The following FGD5 variants were observed in gnomAD, a reference collection of about 807,000 sequenced individuals.
FGD5 encodes FYVE, RhoGEF and PH domain-containing protein 5.
A neutral mutation model predicts 133.4 loss-of-function variants in FGD5; 28 were observed. The ratio of observed to expected loss-of-function variants is 0.21; its 90% confidence interval spans 0.16 to 0.29. The LOEUF (loss-of-function observed/expected upper bound fraction) is 0.29. FGD5 is among the 10% of genes least tolerant of loss of function. The probability of loss-of-function intolerance (pLI) is 1.00; values close to 1 mark genes in which losing one functional copy is unlikely to be tolerated. For synonymous variants in FGD5, 810 were observed against 776.5 expected (o/e 1.04, Z -0.72); for missense variants, 1,858 against 1,895.2 (o/e 0.98, Z 0.36).
intron 13 of FGD5, among the ~76,000 whole-genome samples, chr3:14,920,009 G>T (rs1422964237): frequency 6.6e-6 from 1 of 152,136 alleles, no homozygotes; most frequent in Non-Finnish European, 1.5e-5. Context: ...AGAAAGGTCT[G>T]CATTTTCTCC....
At position 14,906,353 on chromosome 3, in the gene FGD5, C is replaced by T. The variant is rs536568868; in HGVS notation, c.3265-1287C>T. Among the ~76,000 whole-genome samples the T allele has an allele frequency of 3.3e-5, 5 of 152,340 alleles. No homozygotes were observed. The East Asian group carries it at 9.6e-4, about 29-fold the overall frequency. Reference sequence around the variant, plus strand: ...GGCCTTAGACAGGTTTCTGGCCATCCCCCAGCAAGGTATTGGTGCACAGTA... The same window carrying T: ...GGCCTTAGACAGGTTTCTGGCCATCTCCCAGCAAGGTATTGGTGCACAGTA... On this transcript the variant is annotated intron_variant, in intron 9 of 19. Coordinates refer to ENST00000285046, the MANE Select transcript of FGD5 (RefSeq NM_152536.4).
chr3:14,864,313 A>T, intron 2 of FGD5, 53 bp downstream of exon 2: 2 of 1,611,836 alleles, frequency 1.2e-6, no homozygotes, highest in Non-Finnish European at 1.7e-6. Context: ...GGGTGGAGAG[A>T]TGGCTGTAAC....
Position 14,917,228 on chromosome 3 carries a change from A to G in FGD5, c.3406-21A>G. The G allele has an allele frequency of 6.2e-7, 1 of 1,609,632 alleles. No homozygotes were observed. Among genetic ancestry groups the G allele is most frequent in the Non-Finnish European group, 8.5e-7 (1 of 1,177,806 alleles). Reference sequence around the variant, plus strand: ...AGCCTTCTGGGGCCAGGGTCCTCTCATAGGGTTTCCCTCTCTCCAGATGAA... The same window carrying G: ...AGCCTTCTGGGGCCAGGGTCCTCTCGTAGGGTTTCCCTCTCTCCAGATGAA... On this transcript the variant is annotated intron_variant, in intron 11 of 19. Coordinates refer to ENST00000285046, the MANE Select transcript of FGD5 (RefSeq NM_152536.4). The surrounding 1 kb of genome is among the most constrained non-coding windows in gnomAD (Gnocchi z 4.1).
intron 1 of FGD5, among the ~76,000 whole-genome samples, chr3:14,834,165 T>TA (rs1179933752): frequency 6.6e-6 from 1 of 152,108 alleles, no homozygotes; most frequent in African/African-American, 2.4e-5. Context: ...AATTGGGAGT[T>TA]ACGGATTGCA....
chr3:14,877,621 T>A (rs1043587245), intron 2 of FGD5, among the ~76,000 whole-genome samples: 4 of 152,108 alleles, frequency 2.6e-5, no homozygotes, highest in Non-Finnish European at 4.4e-5. Context: ...GATCCAGGCA[T>A]CTTGACTTCC....
At chr3:14,916,278 A>G (rs1298607105) in intron 11 of FGD5, among the ~76,000 whole-genome samples, 3 of 152,334 alleles carry the variant, frequency 2.0e-5, no homozygotes, top group East Asian at 1.9e-4. Flanking sequence ...ACGCTGGTCC[A>G]TAATATGGTC....
At chr3:14,826,688 T>C (rs2036605988) in intron 1 of FGD5, among the ~76,000 whole-genome samples, 1 of 152,236 alleles carries the variant, frequency 6.6e-6, no homozygotes, top group Non-Finnish European at 1.5e-5. Context: ...ATGCAGGATT[T>C]GAATTTGATT....
Position 14,923,163 on chromosome 3 carries a change from G to C in FGD5, c.3925G>C (p.Gly1309Arg). ...GAAGAAGCGGGGCAGGGCTGTCCCG[G>C]GCCTGATGAGAGGTAACCTGGGGAC... ...ELKKRGRAVPGLMRERPVSMS... is the reference protein window; with the variant it reads ...ELKKRGRAVPRLMRERPVSMS... Residue 1309 changes from glycine (G) to arginine (R), a missense_variant, in exon 16 of 20, where the codon GGC becomes CGC. By Grantham distance (125) the Gly-to-Arg change is moderately radical (BLOSUM62 -2). Around this residue, in one of 3 missense-constraint regions of FGD5, gnomAD observed 1,824 missense variants for 1,848.9 expected, o/e 0.99. Transcript: ENST00000285046. 1 of 1,613,156 alleles carries C rather than the reference G, an allele frequency of 6.2e-7. No individual in the cohort carries two copies. The highest frequency in any genetic ancestry group is 8.5e-7 in the Non-Finnish European group (1 of 1,179,702).
chr3:14,923,303 G>A, intron 16 of FGD5, 128 bp downstream of exon 16: 1 of 1,332,320 alleles, frequency 7.5e-7, no homozygotes, highest in Non-Finnish European at 1.0e-6. Flanking sequence ...TCACTCCATG[G>A]AGGGAGGAAA....
At chr3:14,877,235 T>C (rs1440434635) in intron 2 of FGD5, among the ~76,000 whole-genome samples, 1 of 152,214 alleles carries the variant, frequency 6.6e-6, no homozygotes, top group Non-Finnish European at 1.5e-5. Flanking sequence ...TCTGCGTGCC[T>C]CGGGCACACA....
intron 4 of FGD5, among the ~76,000 whole-genome samples, chr3:14,889,420 CAG>C (rs1425887444): frequency 6.6e-6 from 1 of 152,186 alleles, no homozygotes; most frequent in Non-Finnish European, 1.5e-5. Context: ...TCACGGGTAT[CAG>C]TGTTCTTTGG....
intron 1 of FGD5, chr3:14,810,991 C>G (rs1559463101): frequency 3.8e-6 from 3 of 790,960 alleles, no homozygotes; most frequent in East Asian, 1.3e-4. Context: ...TCCAGTGCCG[C>G]TCGGCCTCGG....
At position 14,899,335 on chromosome 3, in the gene FGD5, G is replaced by A. The variant is rs150626410; in HGVS notation, c.3154+509G>A. Among the ~76,000 whole-genome samples, 24 of 152,172 alleles carry A rather than the reference G, an allele frequency of 1.6e-4. No homozygotes were observed. The East Asian group carries it at 4.4e-3, about 28-fold the overall frequency. On this transcript the variant is annotated intron_variant, in intron 7 of 19. Coordinates refer to ENST00000285046, the MANE Select transcript of FGD5 (RefSeq NM_152536.4). ...CCTCCACTGCTCCATAAACGTCAGA[G>A]CTTCTCAGGACTCAGTCCTGGGTCC...
chr3:14,933,401 C>T lies in FGD5; in HGVS notation c.*234C>T, dbSNP rs1008806817. 5.5e-6 allele frequency: 3 copies of T among 550,116 alleles called. No homozygotes were observed. The highest frequency in any genetic ancestry group is 2.3e-5 in the South Asian group (1 of 43,858). The allele number at this position is 550,116 out of a possible 1,614,324, so 34.1% of individuals were successfully genotyped here. A position where few individuals can be genotyped will look rare whatever the true frequency, so the allele number is the denominator to read the frequency against. ...TTTCTGTGTTTTCCACCCCTACCCC[C>T]ACCCGCCACCCAGTAATAAACTATT... is the stretch of plus-strand genomic sequence containing the variant. On this transcript the variant is annotated 3_prime_UTR_variant, in exon 20 of 20. Transcript: ENST00000285046.
At chr3:14,931,389 A>G (rs955640812) in intron 18 of FGD5, 3 of 152,148 alleles carry the variant, frequency 2.0e-5, no homozygotes, top group African/African-American at 7.2e-5. Flanking sequence ...AGGTCTCACT[A>G]TGTTGTCCAG....
chr3:14,834,693 C>T (rs2036781629), intron 1 of FGD5, among the ~76,000 whole-genome samples: 1 of 152,198 alleles, frequency 6.6e-6, no homozygotes, highest in Non-Finnish European at 1.5e-5. Context: ...CCCTGTGCCA[C>T]ACACAGTAGG....
intron 1 of FGD5, among the ~76,000 whole-genome samples, chr3:14,822,936 G>A (rs1039105033): frequency 2.0e-5 from 3 of 152,224 alleles, no homozygotes; most frequent in African/African-American, 4.8e-5. Context: ...ATTCTCTTGA[G>A]TATTTTGCAT....
At chr3:14,923,751 G>A (rs2038733010) in intron 16 of FGD5, among the ~76,000 whole-genome samples, 1 of 152,200 alleles carries the variant, frequency 6.6e-6, no homozygotes, top group Non-Finnish European at 1.5e-5. Flanking sequence ...GGTCATCAGA[G>A]AAGACAGCCC....
At chr3:14,923,008 A>G (rs780009200) in intron 15 of FGD5, 38 bp from the exon 16 acceptor site, 4 of 1,613,156 alleles carry the variant, frequency 2.5e-6, no homozygotes, top group Non-Finnish European at 3.4e-6. Context: ...CTTTGCATGC[A>G]CTGAGAGGGG....
Sources: allele counts gnomAD v4.1 joint callset (sites outside exome capture counted in the v4.1 genomes callset), GRCh38; gene constraint gnomAD v4.1.1; regional missense constraint gnomAD v4.1.1; non-coding constraint Gnocchi (gnomAD v3.1); transcripts MANE v1.5; gene names NCBI Gene and HGNC (gene_info 2026-07-23, HGNC 2026-07-21).